SNRPN: variants seen among roughly 807,000 people sequenced by gnomAD.
SNRPN encodes small nuclear ribonucleoprotein polypeptide N, also known as small nuclear ribonucleoprotein-associated protein N.
SNRPN carries 7 observed loss-of-function variants against 25.2 expected under a neutral mutation model. The observed-to-expected ratio is 0.28, with a 90% confidence interval of 0.16 to 0.52. SNRPN has a LOEUF of 0.52. Ranked by LOEUF, SNRPN falls within the 20% of genes least tolerant of loss-of-function variation. SNRPN has a pLI of 0.96. For synonymous variants in SNRPN, 124 were observed against 110.6 expected (o/e 1.12, Z -0.76); for missense variants, 196 against 322.5 (o/e 0.61, Z 3.00).
chr15:24,939,785 CTTCT>C (rs2061439418), intron 3 of SNRPN, among the ~76,000 whole-genome samples: 1 of 138,726 alleles, frequency 7.2e-6, no homozygotes, highest in East Asian at 2.2e-4. Flanking sequence ...TTATAGAATT[CTTCT>C]TTTTTTTTTT....
At chr15:24,837,704 A>G (rs905290865) in intron 2 of SNRPN, among the ~76,000 whole-genome samples, 2 of 150,560 alleles carry the variant, frequency 1.3e-5, no homozygotes, top group Non-Finnish European at 2.9e-5. Context: ...AAAGATTAAA[A>G]GGATTTTGAT....
At chr15:24,907,544 G>T (rs187972351) in intron 2 of SNRPN, among the ~76,000 whole-genome samples, 57 of 152,198 alleles carry the variant, frequency 3.7e-4, no homozygotes, top group African/African-American at 1.3e-3. Flanking sequence ...CTTGCAGTGA[G>T]CCGAGATCGT....
intron 2 of SNRPN, among the ~76,000 whole-genome samples, chr15:24,893,410 A>G (rs2057837733): frequency 6.6e-6 from 1 of 152,038 alleles, no homozygotes; most frequent in Admixed American, 6.6e-5. Context: ...TGAGCCCAGG[A>G]GTTCCACACC....
chr15:24,881,104 C>A (rs1452502997), intron 1 of SNRPN, among the ~76,000 whole-genome samples: 12 of 152,106 alleles, frequency 7.9e-5, no homozygotes, highest in Non-Finnish European at 8.8e-5. Flanking sequence ...AAGTCCTCTG[C>A]TGTGCATGGA....
At chr15:24,839,611 C>T (rs8032959) in intron 2 of SNRPN, among the ~76,000 whole-genome samples, 16,999 of 152,076 alleles carry the variant, frequency 0.11, 1,063 homozygotes, top group Middle Eastern at 0.17. Context: ...ATCACAAATG[C>T]GTGTTGTTTG....
intron 3 of SNRPN, among the ~76,000 whole-genome samples, chr15:24,972,335 A>G (rs1220728815): frequency 2.6e-5 from 4 of 152,070 alleles, no homozygotes; most frequent in South Asian, 2.1e-4. Context: ...ATAAAGAATC[A>G]TAAGATAATA....
At chr15:24,927,657 C>G (rs2060512287) in intron 3 of SNRPN, among the ~76,000 whole-genome samples, 1 of 151,966 alleles carries the variant, frequency 6.6e-6, no homozygotes. Context: ...TTTATCTAAT[C>G]TACAGGCCAT....
At chr15:24,878,883 T>A (rs190380394) in intron 1 of SNRPN, among the ~76,000 whole-genome samples, 295 of 152,250 alleles carry the variant, frequency 1.9e-3, no homozygotes, top group Non-Finnish European at 2.5e-3. Context: ...TTGTTTATCT[T>A]TTCCACTAAT....
chr15:24,968,984 A>T (rs1306742832), intron 3 of SNRPN, among the ~76,000 whole-genome samples: 1 of 136,992 alleles, frequency 7.3e-6, no homozygotes, highest in East Asian at 1.9e-4. Context: ...CTGAGAGTTT[A>T]CTATTTACTT....
chr15:24,919,623 G>A (rs1449325667), intron 2 of SNRPN, among the ~76,000 whole-genome samples: 1 of 152,076 alleles, frequency 6.6e-6, no homozygotes, highest in Admixed American at 6.5e-5. Flanking sequence ...TCAAAGGTTA[G>A]GGGGATTCTG....
intron 1 of SNRPN, among the ~76,000 whole-genome samples, chr15:24,878,141 G>C (rs1178540098): frequency 6.6e-6 from 1 of 152,182 alleles, no homozygotes; most frequent in African/African-American, 2.4e-5. Context: ...CAAAATGAAC[G>C]GGACTTCTTA....
At chr15:24,894,931 G>A (rs1037855057) in intron 2 of SNRPN, among the ~76,000 whole-genome samples, 14 of 152,156 alleles carry the variant, frequency 9.2e-5, no homozygotes, top group Non-Finnish European at 1.9e-4. Flanking sequence ...AATCATGCAA[G>A]TTGATTTACT....
chr15:24,908,901 G>T, intron 2 of SNRPN: 1 of 888,606 alleles, frequency 1.1e-6, no homozygotes, highest in South Asian at 1.6e-5. Context: ...GTCTGTATCT[G>T]AAAAATCATC....
At chr15:24,937,357 CA>C (rs578130797) in intron 3 of SNRPN, among the ~76,000 whole-genome samples, 1 of 151,332 alleles carries the variant, frequency 6.6e-6, no homozygotes, top group Non-Finnish European at 1.5e-5. Context: ...CAAAACAAAA[CA>C]AAAAAAACGA....
rs58343685 is a variant in SNRPN at position 24,923,881 on chromosome 15, A to ATGTGTGTGTGTG, written c.-391+3779_-391+3790dup. Among the ~76,000 whole-genome samples the ATGTGTGTGTGTG allele has an allele frequency of 1.1e-3, 113 of 106,112 alleles. 3 individuals carry two copies. The highest frequency in any genetic ancestry group is 2.7e-3 in the African/African-American group (71 of 26,540). The allele number at this position is 106,112 out of a possible 152,430, so 69.6% of individuals were successfully genotyped here. On this transcript the variant is annotated intron_variant, in intron 3 of 11. Coordinates refer to the SNRPN transcript ENST00000400097. ...GATTTGTTTCTTTTTAGTGCCGTGT[A>ATGTGTGTGTGTG]TGTGTGTGTGTGTGTGTGTGTGTGT...
intron 2 of SNRPN, among the ~76,000 whole-genome samples, chr15:24,844,221 G>C (rs2051987642): frequency 6.6e-6 from 1 of 151,880 alleles, no homozygotes; most frequent in Admixed American, 6.6e-5. Context: ...TTCCAGTAGG[G>C]ACATAGTGGC....
At chr15:24,971,020 T>C (rs1335324323) in intron 3 of SNRPN, among the ~76,000 whole-genome samples, 1 of 152,146 alleles carries the variant, frequency 6.6e-6, no homozygotes, top group Non-Finnish European at 1.5e-5. Flanking sequence ...TCTCATTTGC[T>C]ATGTGTGCCT....
At chr15:24,871,864 C>G (rs1385397265) in intron 1 of SNRPN, among the ~76,000 whole-genome samples, 1 of 120,438 alleles carries the variant, frequency 8.3e-6, no homozygotes, top group Non-Finnish European at 1.8e-5. Context: ...ACCACCACGC[C>G]TGGCTAATTT....
intron 2 of SNRPN, among the ~76,000 whole-genome samples, chr15:24,906,603 C>T (rs1017213739): frequency 3.9e-5 from 6 of 152,024 alleles, no homozygotes; most frequent in Admixed American, 3.3e-4. Flanking sequence ...ACCTACTTTC[C>T]GGGGAGGTAG....
Sources: gnomAD v4.1 joint callset for allele counts (sites outside exome capture counted in the v4.1 genomes callset) on GRCh38, gnomAD v4.1.1 for gene constraint, MANE v1.5 for transcripts, NCBI Gene and HGNC (gene_info 2026-07-23, HGNC 2026-07-21) for gene names.